The following ERBB4 variants were observed in gnomAD, a reference collection of about 807,000 sequenced individuals.
The protein encoded by ERBB4 is erb-b2 receptor tyrosine kinase 4, also known as receptor tyrosine-protein kinase erbB-4.
A neutral mutation model predicts 158.0 loss-of-function variants in ERBB4; 42 were observed. That is an observed-to-expected ratio of 0.27 (90% CI 0.21 to 0.34). ERBB4 has a LOEUF of 0.34. ERBB4 is among the 10% of genes least tolerant of loss of function. The pLI, the probability that ERBB4 is intolerant of heterozygous loss-of-function variation, is 1.00. For synonymous variants in ERBB4, 583 were observed against 558.7 expected, an observed-to-expected ratio of 1.04 and a Z score of -0.61; for missense variants, 1,333 against 1,624.1, an observed-to-expected ratio of 0.82 and a Z score of 3.08.
At chr2:211,542,054 G>T (rs984621795) in intron 20 of ERBB4, among the ~76,000 whole-genome samples, 1 of 151,766 alleles carries the variant, frequency 6.6e-6, no homozygotes, top group African/African-American at 2.4e-5. Flanking sequence ...TTGATTTTCT[G>T]GGCTTCTTTT....
At chr2:211,403,924 A>G (rs1353801953) in intron 25 of ERBB4, among the ~76,000 whole-genome samples, 1 of 152,126 alleles carries the variant, frequency 6.6e-6, no homozygotes, top group African/African-American at 2.4e-5. Flanking sequence ...CCTTTGCCTA[A>G]CATGAGGAAA....
chr2:212,254,902 G>C (rs2084669667), intron 1 of ERBB4, among the ~76,000 whole-genome samples: 1 of 152,102 alleles, frequency 6.6e-6, no homozygotes, highest in African/African-American at 2.4e-5. Flanking sequence ...TAGTGTGAGA[G>C]ATACTCTCTG....
intron 2 of ERBB4, among the ~76,000 whole-genome samples, chr2:212,119,518 T>C (rs2079678941): frequency 6.6e-6 from 1 of 152,140 alleles, no homozygotes; most frequent in Non-Finnish European, 1.5e-5. Flanking sequence ...ACATTTTGCC[T>C]TGTTTTAAAG....
chr2:211,529,040 A>G (rs2066424802), intron 20 of ERBB4, among the ~76,000 whole-genome samples: 1 of 151,920 alleles, frequency 6.6e-6, no homozygotes, highest in Non-Finnish European at 1.5e-5. Flanking sequence ...CAAGAAAACA[A>G]AAGATCAACA....
At chr2:211,506,793 TC>T (rs2065762502) in intron 20 of ERBB4, among the ~76,000 whole-genome samples, 1 of 151,838 alleles carries the variant, frequency 6.6e-6, no homozygotes, top group Non-Finnish European at 1.5e-5. Context: ...AAAAACTCCA[TC>T]TAAAAGACAG....
intron 1 of ERBB4, among the ~76,000 whole-genome samples, chr2:212,156,270 A>C (rs1032229479): frequency 1.3e-5 from 2 of 152,184 alleles, no homozygotes; most frequent in African/African-American, 4.8e-5. Context: ...GGGGAAAAAA[A>C]GGAAAGGAAA....
intron 19 of ERBB4, among the ~76,000 whole-genome samples, chr2:211,574,585 G>C (rs1374916785): frequency 6.6e-6 from 1 of 152,144 alleles, no homozygotes; most frequent in Non-Finnish European, 1.5e-5. Context: ...TTTCAGAATT[G>C]ATGTGAAAAA....
chr2:211,388,994 A>C (rs764892057), intron 25 of ERBB4, among the ~76,000 whole-genome samples: 21 of 152,180 alleles, frequency 1.4e-4, no homozygotes, highest in Non-Finnish European at 2.9e-4. Flanking sequence ...GTAAACAGAG[A>C]TGACTAAAAT....
intron 16 of ERBB4, among the ~76,000 whole-genome samples, chr2:211,647,696 C>G (rs1271732620): frequency 6.6e-6 from 1 of 151,652 alleles, no homozygotes; most frequent in Non-Finnish European, 1.5e-5. Context: ...TCCATTCACT[C>G]GAATTTCTGG....
At chr2:211,413,701 A>G (rs1238089286) in intron 25 of ERBB4, among the ~76,000 whole-genome samples, 1 of 152,036 alleles carries the variant, frequency 6.6e-6, no homozygotes, top group Non-Finnish European at 1.5e-5. Context: ...TAAGGAAAAA[A>G]GTTATGCATA....
intron 1 of ERBB4, among the ~76,000 whole-genome samples, chr2:212,474,215 T>C (rs1455736116): frequency 6.6e-6 from 1 of 152,042 alleles, no homozygotes; most frequent in Non-Finnish European, 1.5e-5. Flanking sequence ...GATTTTTTTT[T>C]TTTTAGTATT....
intron 3 of ERBB4, among the ~76,000 whole-genome samples, chr2:211,926,627 A>G (rs946912107): frequency 2.0e-5 from 3 of 152,204 alleles, no homozygotes; most frequent in African/African-American, 7.2e-5. Context: ...AAGTATCTCA[A>G]TGCCACTGAA....
chr2:212,215,033 G>A (rs2083056454), intron 1 of ERBB4, among the ~76,000 whole-genome samples: 1 of 151,460 alleles, frequency 6.6e-6, no homozygotes, highest in Non-Finnish European at 1.5e-5. Context: ...GTCCAAAACA[G>A]GCAAAGTTAA....
intron 3 of ERBB4, among the ~76,000 whole-genome samples, chr2:211,914,857 AT>A (rs2079644183): frequency 6.6e-6 from 1 of 152,224 alleles, no homozygotes; most frequent in South Asian, 2.1e-4. Context: ...ATTACTATGT[AT>A]ATTTTATGGA....
chr2:211,731,094 A>C (rs1021687093), intron 5 of ERBB4, among the ~76,000 whole-genome samples: 8 of 152,126 alleles, frequency 5.3e-5, no homozygotes, highest in Admixed American at 4.6e-4. Flanking sequence ...TTTTCGATGG[A>C]AATATTGCCT....
chr2:212,410,612 G>A (rs2091469032), intron 1 of ERBB4, among the ~76,000 whole-genome samples: 1 of 151,900 alleles, frequency 6.6e-6, no homozygotes, highest in African/African-American at 2.4e-5. Flanking sequence ...TCTCATCTAA[G>A]TCTAAGACTA....
At chr2:212,359,648 G>A (rs1167840898) in intron 1 of ERBB4, among the ~76,000 whole-genome samples, 1 of 151,682 alleles carries the variant, frequency 6.6e-6, no homozygotes, top group Non-Finnish European at 1.5e-5. Context: ...AGGCAGTTTT[G>A]TCTGGGAAAC....
intron 2 of ERBB4, chr2:212,124,498 T>C: frequency 2.0e-6 from 1 of 496,920 alleles, no homozygotes; most frequent in East Asian, 3.7e-5. Flanking sequence ...TGTCATGTAC[T>C]ACATGGTGAC....
At chr2:211,944,206 A>ATATATATATATATAT (rs371912701) in intron 3 of ERBB4, among the ~76,000 whole-genome samples, 4 of 104,060 alleles carry the variant, frequency 3.8e-5, no homozygotes, top group South Asian at 2.8e-4. Flanking sequence ...TATACTATAT[A>ATATATATATATATAT]TATATATACA....
Sources: gnomAD v4.1 joint callset for allele counts (sites outside exome capture counted in the v4.1 genomes callset) on GRCh38, gnomAD v4.1.1 for gene constraint, MANE v1.5 for transcripts, NCBI Gene and HGNC (gene_info 2026-07-23, HGNC 2026-07-21) for gene names.